GLYATL1: variants seen among roughly 807,000 people sequenced by gnomAD.
GLYATL1 encodes glycine N-acyltransferase-like protein 1.
Under a neutral mutation model 20.0 loss-of-function variants are expected in GLYATL1, and 15 were observed. The observed-to-expected ratio is 0.75, with a 90% confidence interval of 0.50 to 1.15. The LOEUF is 1.15. Ranked by LOEUF, GLYATL1 falls within the 50% of genes most tolerant of loss-of-function variation. The pLI is 0.00. For synonymous variants in GLYATL1, 151 were observed against 131.5 expected (o/e 1.15, Z -1.01); for missense variants, 380 against 368.5 (o/e 1.03, Z -0.26).
At chr11:58,923,660 C>A (rs897280277), upstream of GLYATL1, among the ~76,000 whole-genome samples, 1 of 152,174 alleles carries the variant, frequency 6.6e-6, no homozygotes, top group East Asian at 1.9e-4. Flanking sequence ...AGATCCTGTT[C>A]TGCCTCACTC....
At chr11:58,948,865 C>T (rs1407600060) in intron 4 of GLYATL1, among the ~76,000 whole-genome samples, 4 of 152,140 alleles carry the variant, frequency 2.6e-5, no homozygotes, top group African/African-American at 7.2e-5. Context: ...AAGCATTGCC[C>T]AGTCTGAATT....
At chr11:58,942,930 G>T (rs1480329378) in intron 1 of GLYATL1, among the ~76,000 whole-genome samples, 3 of 152,086 alleles carry the variant, frequency 2.0e-5, no homozygotes, top group East Asian at 3.9e-4. Flanking sequence ...TCCATTAAAG[G>T]ATGATCTATT....
At chr11:58,912,532 G>A (rs1855070250), downstream of GLYATL1, among the ~76,000 whole-genome samples, 1 of 152,200 alleles carries the variant, frequency 6.6e-6, no homozygotes, top group Non-Finnish European at 1.5e-5. Flanking sequence ...CTGCACAGAT[G>A]TACTCATGTC....
chr11:58,947,686 G>A, intron 3 of GLYATL1, 172 bp from the exon 4 acceptor site: 1 of 585,472 alleles, frequency 1.7e-6, no homozygotes, highest in Non-Finnish European at 3.1e-6. Context: ...CTGCTTGCTG[G>A]TAACTTCACG....
intron 4 of GLYATL1, among the ~76,000 whole-genome samples, chr11:58,951,673 T>C (rs1857008122): frequency 6.6e-6 from 1 of 152,112 alleles, no homozygotes; most frequent in Non-Finnish European, 1.5e-5. Context: ...TCAGTTTGCA[T>C]TCTATGCCAT....
At chr11:58,908,490 G>T in exon 2 of GLYATL1, 1 of 209,296 alleles carries the variant, frequency 4.8e-6, no homozygotes, top group South Asian at 9.6e-5. Flanking sequence ...AGACTGAAGG[G>T]AACAAGTCAT....
chr11:58,939,392 T>C (rs1855983192), upstream of GLYATL1: 1 of 152,248 alleles, frequency 6.6e-6, no homozygotes, highest in Non-Finnish European at 1.5e-5. Context: ...ATTGGTTATA[T>C]TGATTGGCTT....
At chr11:58,943,258 C>T in intron 1 of GLYATL1, 1 of 1,523,906 alleles carries the variant, frequency 6.6e-7, no homozygotes, top group Non-Finnish European at 8.8e-7. Flanking sequence ...CAGTGTTGGC[C>T]AATCCCAGCA....
chr11:58,953,726 C>T (rs2135270195), intron 4 of GLYATL1, among the ~76,000 whole-genome samples: 1 of 152,220 alleles, frequency 6.6e-6, no homozygotes, highest in East Asian at 1.9e-4. Context: ...TTGGGTTTGA[C>T]CATATTCAGG....
Position 58,955,267 on chromosome 11 carries a change from G to T in GLYATL1, c.405G>T (p.Thr135=). The T allele has an allele frequency of 2.5e-6, 4 of 1,614,122 alleles. No homozygotes were observed. Among genetic ancestry groups the T allele is most frequent in the Non-Finnish European group, 3.4e-6 (4 of 1,179,978 alleles). Residue 135 remains threonine, a synonymous_variant, in exon 6 of 7, where the codon ACG becomes ACT. Transcript: ENST00000532726. ...ATTCGAGAGCACTCCTCTTGGTTAC[G>T]GAAGATATTCTGAAGCTCAATGCCT... ...VEHSRALLLV[T]EDILKLNASS... is the part of the protein sequence containing the mutation.
chr11:58,905,794 C>T, intron 1 of GLYATL1: 1 of 384,742 alleles, frequency 2.6e-6, no homozygotes, highest in Non-Finnish European at 5.3e-6. Context: ...CTGACCCGCC[C>T]GCGAGCGCGT....
chr11:58,929,712 C>A (rs1439373906), intron 1 of GLYATL1, among the ~76,000 whole-genome samples: 5 of 152,182 alleles, frequency 3.3e-5, no homozygotes, highest in Non-Finnish European at 2.9e-5. Context: ...TAGGTAATTT[C>A]CTCACATGCA....
At chr11:58,938,529 A>G (rs1465589517), upstream of GLYATL1, among the ~76,000 whole-genome samples, 2 of 152,208 alleles carry the variant, frequency 1.3e-5, no homozygotes, top group Non-Finnish European at 2.9e-5. Context: ...CGAGTGTTTC[A>G]TGAAGTCACT....
chr11:58,933,395 C>T (rs481247), intron 1 of GLYATL1, among the ~76,000 whole-genome samples: 49,351 of 151,944 alleles, frequency 0.32, 8,524 homozygotes, highest in Non-Finnish European at 0.39. Flanking sequence ...CCAGCTGTCC[C>T]TCCTGATTTT....
intron 1 of GLYATL1, chr11:58,943,215 C>A: frequency 7.0e-7 from 1 of 1,420,910 alleles, no homozygotes; most frequent in Admixed American, 2.9e-5. Flanking sequence ...AATTGAAAAC[C>A]TAATTTAGTA....
intron 1 of GLYATL1, among the ~76,000 whole-genome samples, chr11:58,906,884 G>A (rs11826640): frequency 0.037 from 5,608 of 152,182 alleles, 358 homozygotes; most frequent in African/African-American, 0.13. Context: ...GGGGGTTGTG[G>A]GATGAGGCAG....
At chr11:58,925,364 A>T (rs1855403758), upstream of GLYATL1, among the ~76,000 whole-genome samples, 1 of 152,192 alleles carries the variant, frequency 6.6e-6, no homozygotes, top group Non-Finnish European at 1.5e-5. Context: ...TCCTGCATGA[A>T]TCCCTTTTAT....
intron 1 of GLYATL1, among the ~76,000 whole-genome samples, chr11:58,920,242 A>G (rs1479982077): frequency 6.6e-6 from 1 of 151,874 alleles, no homozygotes; most frequent in Non-Finnish European, 1.5e-5. Context: ...TCTTCCTTGT[A>G]TTTTAGTTTA....
At chr11:58,932,418 G>C (rs1442257280) in intron 1 of GLYATL1, among the ~76,000 whole-genome samples, 1 of 152,118 alleles carries the variant, frequency 6.6e-6, no homozygotes, top group African/African-American at 2.4e-5. Flanking sequence ...TCTTCTTCTT[G>C]TTCTACTATT....
Sources: allele counts gnomAD v4.1 joint callset (sites outside exome capture counted in the v4.1 genomes callset), GRCh38; gene constraint gnomAD v4.1.1; transcripts MANE v1.5; gene names NCBI Gene and HGNC (gene_info 2026-07-23, HGNC 2026-07-21).